The following PRKD1 variants were observed in gnomAD, a reference collection of about 807,000 sequenced individuals.
The protein encoded by PRKD1 is protein kinase D1, also known as serine/threonine-protein kinase D1.
A neutral mutation model predicts 95.9 loss-of-function variants in PRKD1; 63 were observed. The ratio of observed to expected loss-of-function variants is 0.66; its 90% CI spans 0.54 to 0.81. The LOEUF (loss-of-function observed/expected upper bound fraction) is 0.81. Among genes scored for constraint, PRKD1 ranks in the 30% least tolerant of loss-of-function variants. The probability of loss-of-function intolerance (pLI) is 0.00; values close to 1 mark genes in which losing one functional copy is unlikely to be tolerated. For synonymous variants in PRKD1, 425 were observed against 423.1 expected, an observed-to-expected ratio of 1.00 and a Z score of -0.05; for missense variants, 1,048 against 1,165.3, an observed-to-expected ratio of 0.90 and a Z score of 1.47.
At chr14:29,911,404 C>T (rs960782897) in intron 1 of PRKD1, among the ~76,000 whole-genome samples, 1 of 152,142 alleles carries the variant, frequency 6.6e-6, no homozygotes, top group African/African-American at 2.4e-5. Context: ...GAATCTACAA[C>T]TTTAATAACT....
At chr14:29,914,088 G>C (rs371825989) in intron 1 of PRKD1, among the ~76,000 whole-genome samples, 1 of 152,142 alleles carries the variant, frequency 6.6e-6, no homozygotes, top group Non-Finnish European at 1.5e-5. Context: ...CGTTAGAATC[G>C]AACTGAATTG....
chr14:29,577,324 T>C lies in PRKD1; in HGVS notation c.2653A>G (p.Ile885Val), dbSNP rs1473563418. 2.5e-6 allele frequency: 4 copies of C among 1,613,720 alleles called. No individual in the cohort carries two copies. The highest frequency in any genetic ancestry group is 3.4e-6 in the Non-Finnish European group (4 of 1,179,852). ...TCACTGTGGCTAGCACTTGGATTGA[T>C]CAGGTGTGTGGGGTACTGCAGCCCC... is the stretch of plus-strand genomic sequence containing the variant. Reference protein sequence around the residue: ...EQGLQYPTHLINPSASHSDTP... With the variant: ...EQGLQYPTHLVNPSASHSDTP... The change falls in exon 18 of 18, where the codon ATC becomes GTC. Residue 885 changes from isoleucine to valine, a missense_variant. Physicochemically the swap from Ile to Val is conservative, Grantham distance 29 (BLOSUM62 3). Around this residue, in one of 3 missense-constraint regions of PRKD1, gnomAD observed 739 missense variants for 861.9 expected, o/e 0.86. Coordinates refer to ENST00000331968, the MANE Select transcript of PRKD1 (RefSeq NM_002742.3).
chr14:29,595,544 T>C (rs942941083), intron 16 of PRKD1, among the ~76,000 whole-genome samples: 1 of 152,238 alleles, frequency 6.6e-6, no homozygotes, highest in Non-Finnish European at 1.5e-5. Context: ...CCAACAAGTG[T>C]TTCCTGAGCC....
chr14:29,734,186 G>A (rs1886604796), intron 1 of PRKD1, among the ~76,000 whole-genome samples: 1 of 151,606 alleles, frequency 6.6e-6, no homozygotes, highest in African/African-American at 2.4e-5. Context: ...GGGATTACAG[G>A]TGCCCACCAC....
intron 1 of PRKD1, among the ~76,000 whole-genome samples, chr14:29,738,237 T>C (rs1006708300): frequency 3.9e-5 from 6 of 152,218 alleles, no homozygotes; most frequent in African/African-American, 1.4e-4. Context: ...CACATAGCTA[T>C]GTGTCTAGTT....
intron 1 of PRKD1, among the ~76,000 whole-genome samples, chr14:29,756,653 G>A (rs1401130422): frequency 6.6e-6 from 1 of 152,162 alleles, no homozygotes; most frequent in African/African-American, 2.4e-5. Context: ...TGTGTTTTCA[G>A]GAACAATGAC....
intron 1 of PRKD1, among the ~76,000 whole-genome samples, chr14:29,921,447 A>G (rs1270596700): frequency 2.0e-5 from 3 of 151,976 alleles, no homozygotes; most frequent in Admixed American, 6.6e-5. Context: ...TAGTCTATAG[A>G]GCTTTAAGCT....
intron 1 of PRKD1, among the ~76,000 whole-genome samples, chr14:29,880,574 C>T (rs1207707577): frequency 6.6e-6 from 1 of 152,088 alleles, no homozygotes; most frequent in African/African-American, 2.4e-5. Context: ...TACTGGGGGA[C>T]CACCGAGTAG....
At chr14:29,632,003 G>C (rs113540853) in intron 9 of PRKD1, among the ~76,000 whole-genome samples, 3,574 of 151,770 alleles carry the variant, frequency 0.024, 61 homozygotes, top group Non-Finnish European at 0.033. Flanking sequence ...GTTTCACCAT[G>C]TTGGCCAGGC....
intron 13 of PRKD1, among the ~76,000 whole-genome samples, chr14:29,607,598 G>A (rs938179904): frequency 2.6e-5 from 4 of 152,144 alleles, no homozygotes; most frequent in African/African-American, 9.7e-5. Context: ...AATTCCTCAT[G>A]ATGTTGCTCC....
chr14:29,917,798 T>C (rs1256432804), intron 1 of PRKD1, among the ~76,000 whole-genome samples: 2 of 151,956 alleles, frequency 1.3e-5, no homozygotes, highest in Non-Finnish European at 2.9e-5. Flanking sequence ...TGGTTGAAAA[T>C]AAATAATGAA....
At chr14:29,907,138 T>C (rs1894522258) in intron 1 of PRKD1, among the ~76,000 whole-genome samples, 1 of 152,208 alleles carries the variant, frequency 6.6e-6, no homozygotes, top group Admixed American at 6.5e-5. Flanking sequence ...AAAGGAAGGC[T>C]TTCACTATCT....
intron 1 of PRKD1, among the ~76,000 whole-genome samples, chr14:29,885,965 A>G (rs1206265696): frequency 1.3e-5 from 2 of 150,040 alleles, no homozygotes; most frequent in Admixed American, 6.6e-5. Flanking sequence ...ACTCGGTCTC[A>G]AATAAAATAA....
intron 1 of PRKD1, among the ~76,000 whole-genome samples, chr14:29,816,296 A>G (rs1335103606): frequency 6.6e-6 from 1 of 152,218 alleles, no homozygotes; most frequent in African/African-American, 2.4e-5. Flanking sequence ...GAAGCTTTTT[A>G]TCAGTAGTTT....
chr14:29,663,069 T>C (rs1882271453), intron 4 of PRKD1, among the ~76,000 whole-genome samples: 1 of 146,014 alleles, frequency 6.8e-6, no homozygotes, highest in Non-Finnish European at 1.5e-5. Flanking sequence ...ATTTTATATA[T>C]AATATATATA....
chr14:29,820,739 T>C (rs1890878777), intron 1 of PRKD1, among the ~76,000 whole-genome samples: 1 of 151,956 alleles, frequency 6.6e-6, no homozygotes, highest in Non-Finnish European at 1.5e-5. Flanking sequence ...GACAATCCTG[T>C]GGAGGGAATA....
At chr14:29,674,233 C>A (rs1455618943) in intron 2 of PRKD1, among the ~76,000 whole-genome samples, 2 of 152,090 alleles carry the variant, frequency 1.3e-5, no homozygotes, top group Non-Finnish European at 2.9e-5. Context: ...CCCTTAAAAA[C>A]TAAGGGCTAT....
At chr14:29,737,936 G>A in intron 1 of PRKD1, among the ~76,000 whole-genome samples, 1 of 152,086 alleles carries the variant, frequency 6.6e-6, no homozygotes, top group East Asian at 1.9e-4. Context: ...GTATATCAAG[G>A]AAAAGACAAC....
At chr14:29,859,348 C>T (rs1892622009) in intron 1 of PRKD1, among the ~76,000 whole-genome samples, 1 of 152,072 alleles carries the variant, frequency 6.6e-6, no homozygotes, top group Non-Finnish European at 1.5e-5. Flanking sequence ...GTGGCTCACA[C>T]CTGTAATCCC....
Sources: gnomAD v4.1 joint callset for allele counts (sites outside exome capture counted in the v4.1 genomes callset) on GRCh38, gnomAD v4.1.1 for gene constraint, gnomAD v4.1.1 regional missense constraint, MANE v1.5 for transcripts, NCBI Gene and HGNC (gene_info 2026-07-23, HGNC 2026-07-21) for gene names.